VIPAS39: variants seen among roughly 807,000 people sequenced by gnomAD.
The protein encoded by VIPAS39 is VPS33B interacting protein, apical-basolateral polarity regulator, spe-39 homolog.
VIPAS39 carries 63 observed loss-of-function variants against 84.7 expected under a neutral mutation model. The ratio of observed to expected loss-of-function variants is 0.74; its 90% CI spans 0.61 to 0.92. VIPAS39 has a LOEUF of 0.92. VIPAS39 is among the 40% of genes least tolerant of loss of function. The pLI is 0.00. For missense variants in VIPAS39, 499 were observed against 604.5 expected, an observed-to-expected ratio of 0.83 and a Z score of 1.83; for synonymous variants, 192 against 216.5, an observed-to-expected ratio of 0.89 and a Z score of 0.99.
chr14:77,431,012 T>G (rs2078514191), intron 16 of VIPAS39, among the ~76,000 whole-genome samples: 1 of 152,202 alleles, frequency 6.6e-6, no homozygotes, highest in Non-Finnish European at 1.5e-5. Flanking sequence ...TAGACCTTTA[T>G]CTTACACCAT....
chr14:77,433,601 G>A (rs1166751875), intron 16 of VIPAS39, among the ~76,000 whole-genome samples: 4 of 152,196 alleles, frequency 2.6e-5, no homozygotes. Flanking sequence ...TAGAAAAAGA[G>A]AAAGCATACA....
chr14:77,433,691 T>C, intron 16 of VIPAS39, 151 bp downstream of exon 16: 1 of 623,316 alleles, frequency 1.6e-6, no homozygotes, highest in South Asian at 2.1e-5. Context: ...TTATATGAAC[T>C]ATAAAATTCA....
Position 77,427,620 on chromosome 14 carries a change from T to C in VIPAS39, c.1478A>G (p.Asn493Ser), listed in dbSNP as rs747854319. 7.4e-6 allele frequency: 12 copies of C among 1,614,068 alleles called. No homozygotes were observed. The African/African-American group carries it at 8.0e-5, about 11-fold the overall frequency. ...CTTCAAGGTAGTCAATGCCACTTAA[T>C]TCTTCCATCGAATTTGCTGTGGAAA... ...LLSSSQIRWK[N>S] Residue 493 changes from asparagine to serine, a missense_variant, in exon 20 of 20, where the codon AAT becomes AGT. Transcript: ENST00000557658.
At chr14:77,446,679 A>G (rs921422591) in intron 7 of VIPAS39, among the ~76,000 whole-genome samples, 2 of 152,232 alleles carry the variant, frequency 1.3e-5, no homozygotes, top group East Asian at 3.8e-4. Context: ...AAGCTTCAAC[A>G]AAGTTGAAGT....
intron 14 of VIPAS39, among the ~76,000 whole-genome samples, chr14:77,434,618 C>T (rs951879870): frequency 1.3e-5 from 2 of 151,970 alleles, no homozygotes; most frequent in African/African-American, 4.8e-5. Flanking sequence ...AGTAGCCAGG[C>T]GCGGTGGCTC....
intron 16 of VIPAS39, among the ~76,000 whole-genome samples, chr14:77,430,330 AC>A (rs1214181394): frequency 6.6e-6 from 1 of 152,210 alleles, no homozygotes; most frequent in Non-Finnish European, 1.5e-5. Context: ...AAATTTTTAA[AC>A]CCATAATGGA....
intron 12 of VIPAS39, among the ~76,000 whole-genome samples, chr14:77,436,494 G>C (rs2078613477): frequency 6.6e-6 from 1 of 152,140 alleles, no homozygotes; most frequent in Non-Finnish European, 1.5e-5. Flanking sequence ...ACCCAGGCTG[G>C]AGTGCAGTGG....
chr14:77,457,260 G>A, intron 1 of VIPAS39: 6 of 1,535,096 alleles, frequency 3.9e-6, no homozygotes, highest in Non-Finnish European at 5.2e-6. Context: ...ATCCCTGGCA[G>A]AGTTAAATGC....
At chr14:77,451,101 T>C in intron 4 of VIPAS39, 86 bp downstream of exon 4, 3 of 1,591,724 alleles carry the variant, frequency 1.9e-6, no homozygotes, top group Non-Finnish European at 2.6e-6. Flanking sequence ...ATAATCTTTT[T>C]CTTACAAAGT....
intron 3 of VIPAS39, among the ~76,000 whole-genome samples, chr14:77,452,909 A>T (rs2078905042): frequency 6.6e-6 from 1 of 152,188 alleles, no homozygotes; most frequent in Non-Finnish European, 1.5e-5. Context: ...TACTGAGTCA[A>T]GTCAGTAGTT....
intron 12 of VIPAS39, among the ~76,000 whole-genome samples, chr14:77,436,474 T>C (rs1184224560): frequency 1.3e-5 from 2 of 152,194 alleles, no homozygotes; most frequent in African/African-American, 2.4e-5. Context: ...AGATGGAGTT[T>C]CTCTGTGTCA....
chr14:77,427,442 T>C lies in VIPAS39; in HGVS notation c.*174A>G, dbSNP rs896818672. 8 of 695,020 alleles carry C rather than the reference T, an allele frequency of 1.2e-5. No individual in the cohort carries two copies. The highest frequency in any genetic ancestry group is 3.5e-4 in the Middle Eastern group (1 of 2,862). The allele number at this position is 695,020 out of a possible 1,614,324, so 43.1% of individuals were successfully genotyped here. ...GCTTTAGATCTCGATCCTCAGATGA[T>C]GTTCCTTGGACAGAAGATCAGTCTG... On this transcript the variant is annotated 3_prime_UTR_variant, in exon 20 of 20. Coordinates refer to ENST00000557658, the MANE Select transcript of VIPAS39 (RefSeq NM_001193315.2).
chr14:77,441,584 C>G (rs2078704128), intron 10 of VIPAS39, among the ~76,000 whole-genome samples: 1 of 152,096 alleles, frequency 6.6e-6, no homozygotes, highest in African/African-American at 2.4e-5. Flanking sequence ...GGAGGTGATG[C>G]CTGATAAAGC....
chr14:77,456,065 A>C (rs1316945138), intron 1 of VIPAS39, among the ~76,000 whole-genome samples: 1 of 152,234 alleles, frequency 6.6e-6, no homozygotes, highest in African/African-American at 2.4e-5. Flanking sequence ...ACAGGGTTGC[A>C]GGGAACATCT....
At chr14:77,443,052 A>G (rs1046771677) in intron 9 of VIPAS39, 67 bp downstream of exon 9, 4 of 1,598,926 alleles carry the variant, frequency 2.5e-6, no homozygotes, top group African/African-American at 2.7e-5. Context: ...TGAAAGGCAC[A>G]TGGCATTCTC....
intron 7 of VIPAS39, among the ~76,000 whole-genome samples, chr14:77,448,096 A>G (rs574310757): frequency 3.3e-5 from 5 of 151,818 alleles, no homozygotes; most frequent in Admixed American, 6.6e-5. Flanking sequence ...CTGGGACTAC[A>G]GGTGCCTGCC....
chr14:77,442,995 G>A (rs538282804), intron 9 of VIPAS39, 124 bp downstream of exon 9: 13 of 1,318,658 alleles, frequency 9.9e-6, no homozygotes, highest in South Asian at 4.9e-5. Context: ...GAAGTCTCAG[G>A]CCACCCCACT....
At chr14:77,450,187 T>C (rs978054414) in intron 4 of VIPAS39, among the ~76,000 whole-genome samples, 5 of 152,260 alleles carry the variant, frequency 3.3e-5, no homozygotes, top group Non-Finnish European at 7.3e-5. Flanking sequence ...TCTATGAATC[T>C]GACTATTCTA....
At chr14:77,442,862 C>A (rs1287537569) in intron 9 of VIPAS39, among the ~76,000 whole-genome samples, 200 bp from the exon 10 acceptor site, 3 of 152,156 alleles carry the variant, frequency 2.0e-5, no homozygotes, top group African/African-American at 4.8e-5. Context: ...TCACACCAAC[C>A]CAAACAGCAG....
Sources: allele counts gnomAD v4.1 joint callset (sites outside exome capture counted in the v4.1 genomes callset), GRCh38; gene constraint gnomAD v4.1.1; transcripts MANE v1.5; gene names NCBI Gene and HGNC (gene_info 2026-07-23, HGNC 2026-07-21).